The following SLC25A48 variants were observed in gnomAD, a reference collection of about 807,000 sequenced individuals.
The protein encoded by SLC25A48 is CTC-321K16.1.
Under a neutral mutation model 32.2 loss-of-function variants are expected in SLC25A48, and 29 were observed. That is an observed-to-expected ratio of 0.90 (90% CI 0.67 to 1.23). SLC25A48 has a LOEUF of 1.23. Ranked by LOEUF, SLC25A48 falls within the 50% of genes most tolerant of loss-of-function variation. SLC25A48 has a pLI of 0.00. For missense variants in SLC25A48, 399 were observed against 422.7 expected (o/e 0.94, Z 0.49); for synonymous variants, 164 against 172.3 (o/e 0.95, Z 0.38).
At chr5:135,648,214 G>C (rs1435847065) in intron 3 of SLC25A48, among the ~76,000 whole-genome samples, 1 of 152,114 alleles carries the variant, frequency 6.6e-6, no homozygotes, top group East Asian at 1.9e-4. Flanking sequence ...CTGCCTCTGG[G>C]GTCTGGCACT....
intron 3 of SLC25A48, among the ~76,000 whole-genome samples, chr5:135,794,014 T>C (rs184076628): frequency 6.6e-6 from 1 of 151,980 alleles, no homozygotes; most frequent in African/African-American, 2.4e-5. Flanking sequence ...GTTCCTAATA[T>C]TCAGGGGGGA....
intron 3 of SLC25A48, among the ~76,000 whole-genome samples, chr5:135,794,243 G>A (rs575733446): frequency 6.6e-6 from 1 of 151,772 alleles, no homozygotes; most frequent in Non-Finnish European, 1.5e-5. Context: ...ATATCTAGGG[G>A]GGGAGTGGAT....
At chr5:135,883,986 T>C (rs1033230954) in intron 7 of SLC25A48, among the ~76,000 whole-genome samples, 21 of 152,154 alleles carry the variant, frequency 1.4e-4, no homozygotes, top group African/African-American at 4.6e-4. Flanking sequence ...TAGAGCCCTT[T>C]CTTGATGAGC....
intron 3 of SLC25A48, among the ~76,000 whole-genome samples, chr5:135,717,936 C>T (rs1225097312): frequency 6.6e-6 from 1 of 152,156 alleles, no homozygotes; most frequent in Non-Finnish European, 1.5e-5. Context: ...CTGCTTGTCT[C>T]TCAGCATATG....
At chr5:135,809,486 AG>A (rs1757546411) in intron 3 of SLC25A48, among the ~76,000 whole-genome samples, 1 of 152,176 alleles carries the variant, frequency 6.6e-6, no homozygotes, top group Non-Finnish European at 1.5e-5. Flanking sequence ...TTTAAAAATC[AG>A]GTTTATTGAA....
At chr5:135,879,944 C>A (rs1318258437) in intron 6 of SLC25A48, 24 bp from the exon 7 acceptor site, 2 of 1,535,900 alleles carry the variant, frequency 1.3e-6, no homozygotes, top group South Asian at 1.2e-5. Context: ...CAGTCCCCTG[C>A]AATAACCTGG....
Position 135,880,119 on chromosome 5 carries a change from C to A in SLC25A48, c.*7+22C>A, listed in dbSNP as rs1032800374. The A allele has an allele frequency of 7.3e-6, 11 of 1,516,856 alleles. No homozygotes were observed. In the African/African-American group the frequency reaches 1.5e-4, roughly 21 times the overall value. The allele number at this position is 1,516,856 out of a possible 1,614,324, so 94.0% of individuals were successfully genotyped here. The stretch of plus-strand genomic sequence containing the variant: ...CCAGGTCAGTGTGCTTCCATCCTGG[C>A]CAATTGTGCCTCCCAGGAACTTGAA... On this transcript the variant is annotated intron_variant, in intron 7 of 7. Coordinates refer to ENST00000681962, the MANE Select transcript of SLC25A48 (RefSeq NM_001349336.2).
intron 3 of SLC25A48, among the ~76,000 whole-genome samples, chr5:135,796,548 G>T (rs1170055126): frequency 1.3e-5 from 2 of 148,960 alleles, no homozygotes; most frequent in Admixed American, 6.8e-5. Flanking sequence ...ATCGTTGAGG[G>T]TTTGATATGG....
intron 3 of SLC25A48, among the ~76,000 whole-genome samples, chr5:135,665,820 C>T (rs567390301): frequency 9.2e-5 from 14 of 151,594 alleles, no homozygotes; most frequent in African/African-American, 2.4e-4. Context: ...TCTGAGCTTC[C>T]GTGAGGCCTC....
At chr5:135,660,907 G>T (rs1753380416) in intron 3 of SLC25A48, among the ~76,000 whole-genome samples, 1 of 152,212 alleles carries the variant, frequency 6.6e-6, no homozygotes, top group Non-Finnish European at 1.5e-5. Context: ...GCCAGAGTAA[G>T]CACTCAGTAA....
chr5:135,836,299 A>G (rs1443401954), intron 1 of SLC25A48, among the ~76,000 whole-genome samples: 1 of 151,022 alleles, frequency 6.6e-6, no homozygotes, highest in East Asian at 1.9e-4. Flanking sequence ...TACTTTGGTG[A>G]TGTTATTGAA....
At chr5:135,599,530 C>T (rs117754688) in intron 1 of SLC25A48, among the ~76,000 whole-genome samples, 8 of 152,192 alleles carry the variant, frequency 5.3e-5, no homozygotes, top group East Asian at 1.9e-4. Context: ...CTTTATCAAT[C>T]GCTGGGGCAC....
At chr5:135,651,187 G>T (rs1753102060) in intron 3 of SLC25A48, among the ~76,000 whole-genome samples, 1 of 152,202 alleles carries the variant, frequency 6.6e-6, no homozygotes, top group South Asian at 2.1e-4. Flanking sequence ...GGTCCTGAGA[G>T]CATGTAGTTT....
intron 3 of SLC25A48, among the ~76,000 whole-genome samples, chr5:135,725,429 C>T (rs888713339): frequency 3.3e-5 from 5 of 152,028 alleles, no homozygotes; most frequent in African/African-American, 4.8e-5. Flanking sequence ...GGAAACAGCA[C>T]GTGCAAAGGC....
intron 3 of SLC25A48, among the ~76,000 whole-genome samples, chr5:135,662,099 G>GT (rs1418136552): frequency 6.6e-6 from 1 of 152,174 alleles, no homozygotes; most frequent in Non-Finnish European, 1.5e-5. Flanking sequence ...GCTGTGGCAA[G>GT]CTATGAACAA....
intron 3 of SLC25A48, among the ~76,000 whole-genome samples, chr5:135,728,656 A>T (rs1309285028): frequency 6.6e-6 from 1 of 152,278 alleles, no homozygotes; most frequent in African/African-American, 2.4e-5. Flanking sequence ...CTTCCTCAGG[A>T]AAAACTTATT....
chr5:135,589,291 A>G (rs1439063271), intron 1 of SLC25A48, among the ~76,000 whole-genome samples: 1 of 152,230 alleles, frequency 6.6e-6, no homozygotes, highest in Non-Finnish European at 1.5e-5. Context: ...TTATACTTGC[A>G]GTGGCTTGGG....
intron 3 of SLC25A48, among the ~76,000 whole-genome samples, chr5:135,721,648 G>A (rs943164811): frequency 3.9e-5 from 6 of 152,164 alleles, no homozygotes; most frequent in Non-Finnish European, 7.4e-5. Flanking sequence ...AATTGAAATG[G>A]ATCCCTGCTC....
At chr5:135,853,992 A>C (rs898789599) in intron 4 of SLC25A48, among the ~76,000 whole-genome samples, 1 of 152,222 alleles carries the variant, frequency 6.6e-6, no homozygotes, top group Admixed American at 6.5e-5. Flanking sequence ...CTCCTTGTGT[A>C]TCTCCACCAG....
Sources: gnomAD v4.1 joint callset for allele counts (sites outside exome capture counted in the v4.1 genomes callset) on GRCh38, gnomAD v4.1.1 for gene constraint, MANE v1.5 for transcripts, NCBI Gene and HGNC (gene_info 2026-07-23, HGNC 2026-07-21) for gene names.